Variants in KLRF1 observed in about 807,000 individuals in gnomAD.
The protein encoded by KLRF1 is killer cell lectin like receptor F1.
Under a neutral mutation model 30.7 loss-of-function variants are expected in KLRF1, and 27 were observed. The observed-to-expected ratio is 0.88, with a 90% CI of 0.65 to 1.21. The LOEUF (loss-of-function observed/expected upper bound fraction) is 1.21, where lower values mean the gene tolerates loss of function less well. KLRF1 is among the 50% of genes most tolerant of loss of function. The pLI, the probability that KLRF1 is intolerant of heterozygous loss-of-function variation, is 0.00. For synonymous variants in KLRF1, 92 were observed against 89.3 expected (o/e 1.03, Z -0.17); for missense variants, 246 against 259.3 (o/e 0.95, Z 0.35).
At chr12:9,811,871 G>A in the KLRF1 span, among the ~76,000 whole-genome samples, 1 of 152,180 alleles carries the variant, frequency 6.6e-6, no homozygotes, top group Non-Finnish European at 1.5e-5. Flanking sequence ...AGGAAGTCAA[G>A]CACTAGTGCA....
chr12:9,844,079 T>C (rs1352421316), intron 5 of KLRF1, among the ~76,000 whole-genome samples: 2 of 152,158 alleles, frequency 1.3e-5, no homozygotes, highest in African/African-American at 2.4e-5. Context: ...CAATTAGATA[T>C]AAGAAGGCAA....
chr12:9,802,246 A>G, the KLRF1 span, among the ~76,000 whole-genome samples: 1 of 152,144 alleles, frequency 6.6e-6, no homozygotes, highest in Non-Finnish European at 1.5e-5. Flanking sequence ...TCATATGATT[A>G]TCTCAATAGA....
chr12:9,822,125 A>G, the KLRF1 span, among the ~76,000 whole-genome samples: 2 of 152,214 alleles, frequency 1.3e-5, no homozygotes, highest in African/African-American at 2.4e-5. Flanking sequence ...ATGTCCTCCA[A>G]ATGACTGCGC....
At chr12:9,802,496 G>A in the KLRF1 span, among the ~76,000 whole-genome samples, 2 of 152,030 alleles carry the variant, frequency 1.3e-5, no homozygotes, top group Admixed American at 6.5e-5. Flanking sequence ...GGGCAATCAG[G>A]CAAGAGAAAG....
the KLRF1 span, among the ~76,000 whole-genome samples, chr12:9,804,074 TC>T: frequency 1.2e-4 from 19 of 152,062 alleles, no homozygotes; most frequent in African/African-American, 4.6e-4. Flanking sequence ...GTCTGATTTT[TC>T]TCCATCCTTA....
intron 3 of KLRF1, among the ~76,000 whole-genome samples, chr12:9,840,011 C>A (rs372236816): frequency 6.6e-6 from 1 of 152,208 alleles, no homozygotes; most frequent in East Asian, 1.9e-4. Flanking sequence ...AATATTCTTA[C>A]AACCATAAAA....
chr12:9,820,939 C>G, the KLRF1 span, among the ~76,000 whole-genome samples: 3 of 152,264 alleles, frequency 2.0e-5, no homozygotes, highest in East Asian at 5.8e-4. Flanking sequence ...GGGCCCCTGG[C>G]TCATGACCAC....
intron 1 of KLRF1, among the ~76,000 whole-genome samples, chr12:9,831,714 A>T (rs1056405771): frequency 3.9e-5 from 6 of 152,158 alleles, no homozygotes; most frequent in African/African-American, 1.2e-4. Context: ...TAATCATTGA[A>T]CAAGCACTCT....
chr12:9,820,156 G>A, the KLRF1 span, among the ~76,000 whole-genome samples: 2 of 149,726 alleles, frequency 1.3e-5, no homozygotes, highest in Non-Finnish European at 3.0e-5. Flanking sequence ...AGTGTGTTTG[G>A]GCCAGCAACA....
Position 9,844,657 on chromosome 12 carries a change from A to C in KLRF1, c.*131A>C. ...AAAATCTCTTCTCCCTTCTCCCTCC[A>C]TCATCGACACTGGTCTAGCCTCAGA... On this transcript the variant is annotated 3_prime_UTR_variant, in exon 6 of 6. Transcript: ENST00000617889. The C allele has an allele frequency of 1.8e-6, 1 of 566,476 alleles. No individual in the cohort carries two copies. Among genetic ancestry groups the C allele is most frequent in the Non-Finnish European group, 3.2e-6 (1 of 314,238 alleles). The allele number at this position is 566,476 out of a possible 1,614,324, so 35.1% of individuals were successfully genotyped here. A position where few individuals can be genotyped will look rare whatever the true frequency, so the allele number is the denominator to read the frequency against.
In KLRF1 at chr12:9,842,176, G is replaced by T. The variant is rs1454107558; in HGVS notation, c.475-145G>T. 5.8e-6 allele frequency: 5 copies of T among 855,900 alleles called. No homozygotes were observed. In the African/African-American group the frequency reaches 6.9e-5, roughly 12 times the overall value. The allele number at this position is 855,900 out of a possible 1,614,324, so 53.0% of individuals were successfully genotyped here. A position where few individuals can be genotyped will look rare whatever the true frequency, so the allele number is the denominator to read the frequency against. On this transcript the variant is annotated intron_variant, in intron 4 of 5. Transcript: ENST00000617889. ...GTGTGTGTGTGTGTAACATATATATGATATAATGTGTGTATAAGTAAGATA... is the reference window on the plus strand; with the variant it reads ...GTGTGTGTGTGTGTAACATATATATTATATAATGTGTGTATAAGTAAGATA...
At chr12:9,838,077 C>A (rs1030915034) in intron 3 of KLRF1, among the ~76,000 whole-genome samples, 1 of 152,104 alleles carries the variant, frequency 6.6e-6, no homozygotes, top group Non-Finnish European at 1.5e-5. Context: ...GGTTACATGA[C>A]AACAGTGCCA....
chr12:9,819,618 A>C, the KLRF1 span, among the ~76,000 whole-genome samples: 2 of 151,966 alleles, frequency 1.3e-5, no homozygotes, highest in Non-Finnish European at 2.9e-5. Flanking sequence ...CACCTCCACA[A>C]GTGTTTTTGA....
intron 3 of KLRF1, 106 bp from the exon 4 acceptor site, chr12:9,841,705 TG>T: frequency 1.3e-6 from 1 of 758,216 alleles, no homozygotes; most frequent in Non-Finnish European, 2.0e-6. Context: ...GTGATTTTAT[TG>T]TAGCTCAACT....
the KLRF1 span, among the ~76,000 whole-genome samples, chr12:9,800,338 A>G: frequency 6.6e-6 from 1 of 152,068 alleles, no homozygotes; most frequent in Non-Finnish European, 1.5e-5. Flanking sequence ...CTTTTGGAGT[A>G]CAAGTGATTT....
At chr12:9,837,406 A>G (rs1867602195) in intron 3 of KLRF1, among the ~76,000 whole-genome samples, 1 of 151,848 alleles carries the variant, frequency 6.6e-6, no homozygotes, top group South Asian at 2.1e-4. Flanking sequence ...AAATATTTAT[A>G]GTTTTATGTA....
chr12:9,808,899 A>G, the KLRF1 span, among the ~76,000 whole-genome samples: 3 of 152,154 alleles, frequency 2.0e-5, no homozygotes, highest in African/African-American at 7.2e-5. Flanking sequence ...TCTACATGAA[A>G]GCAGTGCTAC....
the KLRF1 span, among the ~76,000 whole-genome samples, chr12:9,821,989 A>T: frequency 6.6e-6 from 1 of 152,226 alleles, no homozygotes; most frequent in Non-Finnish European, 1.5e-5. Context: ...CAACCCTGTG[A>T]ATACATCCAG....
rs1867311385 is a variant in KLRF1 at position 9,827,646 on chromosome 12, C to CG, written c.85+17_85+18insG. The CG allele has an allele frequency of 2.1e-6, 3 of 1,449,446 alleles. No individual in the cohort carries two copies. The highest frequency in any genetic ancestry group is 2.9e-6 in the Non-Finnish European group (3 of 1,033,344). 89.8% of individuals were successfully genotyped at this position (1,449,446 alleles called of 1,614,324 possible). A position where few individuals can be genotyped will look rare whatever the true frequency, so the allele number is the denominator to read the frequency against. ...CATTTAAAGGTATGGAATTTAATTTCATTTTTTCAATTGGTGTGAATTAAC... is the reference window on the plus strand; with the variant it reads ...CATTTAAAGGTATGGAATTTAATTTCGATTTTTTCAATTGGTGTGAATTAAC... On this transcript the variant is annotated intron_variant, in intron 1 of 5. Transcript: ENST00000617889.
Sources: gnomAD v4.1 joint callset for allele counts (sites outside exome capture counted in the v4.1 genomes callset) on GRCh38, gnomAD v4.1.1 for gene constraint, MANE v1.5 for transcripts, NCBI Gene and HGNC (gene_info 2026-07-23, HGNC 2026-07-21) for gene names.